PSMA1: variants seen among roughly 807,000 people sequenced by gnomAD.
PSMA1 encodes proteasome subunit alpha type-1.
A neutral mutation model predicts 38.4 loss-of-function variants in PSMA1; 3 were observed. That is an observed-to-expected ratio of 0.08 (90% CI 0.04 to 0.20). The LOEUF is 0.20. Among genes scored for constraint, PSMA1 ranks in the 10% least tolerant of loss-of-function variants. The probability of loss-of-function intolerance (pLI) is 1.00; values close to 1 mark genes in which losing one functional copy is unlikely to be tolerated. For missense variants in PSMA1, 227 were observed against 325.3 expected, an observed-to-expected ratio of 0.70 and a Z score of 2.32; for synonymous variants, 101 against 107.1, an observed-to-expected ratio of 0.94 and a Z score of 0.35.
At chr11:14,514,083 C>A in intron 5 of PSMA1, 196 bp from the exon 6 acceptor site, 2 of 1,317,316 alleles carry the variant, frequency 1.5e-6, no homozygotes, top group Non-Finnish European at 1.9e-6. Flanking sequence ...GAAAGAGTGC[C>A]AGCAAAATAA....
intron 2 of PSMA1, among the ~76,000 whole-genome samples, chr11:14,556,867 G>T (rs1179687916): frequency 1.3e-5 from 2 of 152,172 alleles, no homozygotes; most frequent in African/African-American, 4.8e-5. Flanking sequence ...TGGGGGACTT[G>T]CTCTGTTGCC....
intron 2 of PSMA1, among the ~76,000 whole-genome samples, chr11:14,551,351 G>C (rs181263837): frequency 6.6e-6 from 1 of 152,084 alleles, no homozygotes; most frequent in Admixed American, 6.6e-5. Flanking sequence ...GAGTCCCTAC[G>C]TAATTTACTG....
intron 2 of PSMA1, among the ~76,000 whole-genome samples, chr11:14,571,038 T>G (rs1189493973): frequency 6.6e-6 from 1 of 151,830 alleles, no homozygotes; most frequent in African/African-American, 2.4e-5. Context: ...CAGAAGAGAG[T>G]GGGGGCCAAT....
At chr11:14,642,093 A>C (rs1305704482) in intron 1 of PSMA1, among the ~76,000 whole-genome samples, 1 of 151,246 alleles carries the variant, frequency 6.6e-6, no homozygotes, top group African/African-American at 2.5e-5. Context: ...TTAAATGCCC[A>C]CACACATACA....
At chr11:14,545,831 G>A (rs981383229) in intron 2 of PSMA1, among the ~76,000 whole-genome samples, 3 of 152,284 alleles carry the variant, frequency 2.0e-5, no homozygotes, top group Admixed American at 1.3e-4. Context: ...ATGATTTCTT[G>A]TCTACATTAA....
At chr11:14,568,036 T>C (rs1470938594) in intron 2 of PSMA1, among the ~76,000 whole-genome samples, 1 of 152,250 alleles carries the variant, frequency 6.6e-6, no homozygotes, top group Non-Finnish European at 1.5e-5. Flanking sequence ...GATTGGTTGA[T>C]GAAAATGTGA....
upstream of PSMA1, among the ~76,000 whole-genome samples, chr11:14,523,321 A>G (rs1229857263): frequency 2.6e-5 from 4 of 152,350 alleles, no homozygotes; most frequent in South Asian, 8.3e-4. Flanking sequence ...CCCAGGCTAG[A>G]GTACAGTGGC....
intron 1 of PSMA1, among the ~76,000 whole-genome samples, chr11:14,630,648 T>C (rs905316908): frequency 3.1e-4 from 47 of 151,664 alleles, no homozygotes; most frequent in African/African-American, 8.9e-4. Flanking sequence ...TGTCTCTGCC[T>C]GGCTTTGGTA....
At chr11:14,547,279 C>G (rs774613295) in intron 2 of PSMA1, among the ~76,000 whole-genome samples, 3 of 152,128 alleles carry the variant, frequency 2.0e-5, no homozygotes, top group Admixed American at 6.5e-5. Context: ...TAGAATTGGT[C>G]ATCACTTCAG....
At chr11:14,599,961 CCTTT>C (rs747909840) in intron 2 of PSMA1, among the ~76,000 whole-genome samples, 8 of 152,134 alleles carry the variant, frequency 5.3e-5, no homozygotes, top group Non-Finnish European at 1.2e-4. Flanking sequence ...TGATACTATT[CCTTT>C]CTGTTTGTTA....
At position 14,520,329 on chromosome 11, in the gene PSMA1, C is replaced by G. The variant is rs1229249163; in HGVS notation, c.-30G>C. On this transcript the variant is annotated 5_prime_UTR_variant, in exon 1 of 10. Transcript: ENST00000396394. ...GCGGCGCGGGCCTGGTTGCGGCCTC[C>G]AGCAAAACTGAGAATCAAGGAGGTG... 2 of 1,614,114 alleles carry G rather than the reference C, an allele frequency of 1.2e-6. No homozygotes were observed. Among genetic ancestry groups the G allele is most frequent in the East Asian group, 4.5e-5 (2 of 44,894 alleles).
chr11:14,571,344 T>C (rs1412531164), intron 2 of PSMA1, among the ~76,000 whole-genome samples: 1 of 152,214 alleles, frequency 6.6e-6, no homozygotes, highest in Non-Finnish European at 1.5e-5. Flanking sequence ...ATTACAGGCA[T>C]GAGCCATCGT....
At chr11:14,612,560 CTTAA>C (rs1383894420) in intron 1 of PSMA1, among the ~76,000 whole-genome samples, 1 of 151,988 alleles carries the variant, frequency 6.6e-6, no homozygotes, top group Non-Finnish European at 1.5e-5. Flanking sequence ...GGAGCAGTTT[CTTAA>C]TTCATTCTAC....
intron 2 of PSMA1, among the ~76,000 whole-genome samples, chr11:14,608,490 A>G (rs1019778994): frequency 4.6e-5 from 7 of 151,330 alleles, no homozygotes; most frequent in African/African-American, 1.7e-4. Context: ...GAAGCACACC[A>G]ACATGGCACA....
rs1350823021 is a variant in PSMA1, at chr11:14,510,941, A to T, written c.555T>A (p.Asn185Lys). The T allele has an allele frequency of 6.3e-7, 1 of 1,592,538 alleles. No homozygotes were observed. The highest frequency in any genetic ancestry group is 8.6e-7 in the Non-Finnish European group (1 of 1,166,016). The change falls in exon 8 of 10, where the codon AAT becomes AAA. Residue 185 changes from asparagine (N) to lysine (K), a missense_variant. Transcript: ENST00000396394. The stretch of plus-strand genomic sequence containing the variant: ...CACGCAGACCATGTTTAACTAGTTC[A>T]TTTAAATTACCTATATGTAATAAAT... Reference protein sequence around the residue: ...HMSEFMECNLNELVKHGLRAL... With the variant: ...HMSEFMECNLKELVKHGLRAL...
At chr11:14,529,249 C>G (rs1011934577) in intron 2 of PSMA1, among the ~76,000 whole-genome samples, 4 of 151,944 alleles carry the variant, frequency 2.6e-5, no homozygotes, top group African/African-American at 9.7e-5. Flanking sequence ...TAAATCTTAC[C>G]GTGTTATTAT....
At position 14,532,768 on chromosome 11, in the gene PSMA1, C is replaced by T. The variant is rs985569961; in HGVS notation, c.22-13727G>A. Among the ~76,000 whole-genome samples the T allele has an allele frequency of 1.1e-4, 16 of 148,568 alleles. No individual in the cohort carries two copies. In the East Asian group the frequency reaches 2.2e-3, roughly 20 times the overall value. On this transcript the variant is annotated intron_variant, in intron 2 of 10. Transcript: ENST00000418988. Reference sequence around the variant, plus strand: ...TTGGAGACCACCTTGACCAACATGGCGAAACCCCAGCTTCTTGGGAGGCTG... The same window carrying T: ...TTGGAGACCACCTTGACCAACATGGTGAAACCCCAGCTTCTTGGGAGGCTG...
intron 2 of PSMA1, among the ~76,000 whole-genome samples, chr11:14,606,560 C>A: frequency 6.6e-6 from 1 of 151,996 alleles, no homozygotes; most frequent in Non-Finnish European, 1.5e-5. Context: ...CCTACAGGAC[C>A]AAACCTTATC....
intron 2 of PSMA1, among the ~76,000 whole-genome samples, chr11:14,593,476 A>G (rs1044645352): frequency 2.0e-5 from 3 of 152,190 alleles, no homozygotes; most frequent in African/African-American, 7.2e-5. Context: ...CAGGTCTAAC[A>G]TAACTTCATT....
Sources: allele counts gnomAD v4.1 joint callset (sites outside exome capture counted in the v4.1 genomes callset), GRCh38; gene constraint gnomAD v4.1.1; transcripts MANE v1.5; gene names NCBI Gene and HGNC (gene_info 2026-07-23, HGNC 2026-07-21).